FAM149B1: variants seen among roughly 807,000 people sequenced by gnomAD.
FAM149B1 encodes primary cilium assembly protein FAM149B1.
A neutral mutation model predicts 75.3 loss-of-function variants in FAM149B1; 56 were observed. That is an observed-to-expected ratio of 0.74 (90% CI 0.60 to 0.93). The LOEUF is 0.93. Among genes scored for constraint, FAM149B1 ranks in the 40% least tolerant of loss-of-function variants. The pLI, the probability that FAM149B1 is intolerant of heterozygous loss-of-function variation, is 0.00. For missense variants in FAM149B1, 639 were observed against 708.4 expected (o/e 0.90, Z 1.11); for synonymous variants, 259 against 256.1 (o/e 1.01, Z -0.11).
chr10:73,209,917 T>G (rs2043150915), intron 6 of FAM149B1, among the ~76,000 whole-genome samples: 1 of 152,172 alleles, frequency 6.6e-6, no homozygotes, highest in Admixed American at 6.5e-5. Flanking sequence ...CCCATTGTAT[T>G]TCCTGCTGAG....
chr10:73,218,960 C>G (rs929720342), intron 7 of FAM149B1, among the ~76,000 whole-genome samples: 8 of 152,140 alleles, frequency 5.3e-5, no homozygotes, highest in African/African-American at 1.9e-4. Flanking sequence ...TTCTACGAGA[C>G]TACAGGAGAC....
chr10:73,228,983 A>G (rs1169046074), intron 8 of FAM149B1, among the ~76,000 whole-genome samples: 1 of 152,010 alleles, frequency 6.6e-6, no homozygotes, highest in Non-Finnish European at 1.5e-5. Context: ...TTCCCACCTC[A>G]GCCTCCTGAG....
intron 1 of FAM149B1, among the ~76,000 whole-genome samples, chr10:73,171,041 C>T (rs112059900): frequency 9.9e-5 from 15 of 151,578 alleles, no homozygotes; most frequent in African/African-American, 3.6e-4. Flanking sequence ...CATCTTGGCT[C>T]AGTTGCAACC....
rs1198455596 is a variant in FAM149B1, at chr10:73,242,484, G to A, written c.*1465G>A. On this transcript the variant is annotated 3_prime_UTR_variant, in exon 14 of 14. Coordinates refer to ENST00000242505, the MANE Select transcript of FAM149B1 (RefSeq NM_173348.2). Reference sequence around the variant, plus strand: ...CTCACCCTGTGTGTTTTCCCTCAAAGCCAGTGCAATTTTTTTTTAACCAAA... The same window carrying A: ...CTCACCCTGTGTGTTTTCCCTCAAAACCAGTGCAATTTTTTTTTAACCAAA... 8.5e-5 allele frequency: 13 copies of A among 152,138 alleles called. No homozygotes were observed. In the East Asian group the frequency reaches 2.5e-3, roughly 29 times the overall value. 9.4% of individuals were successfully genotyped at this position (152,138 alleles called of 1,614,324 possible).
intron 5 of FAM149B1, among the ~76,000 whole-genome samples, chr10:73,208,252 A>T (rs1725952330): frequency 6.6e-6 from 1 of 152,268 alleles, no homozygotes; most frequent in Non-Finnish European, 1.5e-5. Context: ...GCAGAAGCAG[A>T]TGCCAGCACT....
intron 7 of FAM149B1, among the ~76,000 whole-genome samples, chr10:73,226,787 T>C (rs2133393568): frequency 6.6e-6 from 1 of 151,450 alleles, no homozygotes; most frequent in South Asian, 2.1e-4. Context: ...AGAGAACACT[T>C]GCAGTTTTGG....
chr10:73,212,861 G>C lies in FAM149B1; in HGVS notation c.898+2423G>C, dbSNP rs560812423. ...TCTCTCTCACTCTCTCTCTCTCTCTGTGTTTCTCTCTCTCTCTGTCACCCA... is the reference window on the plus strand; with the variant it reads ...TCTCTCTCACTCTCTCTCTCTCTCTCTGTTTCTCTCTCTCTCTGTCACCCA... On this transcript the variant is annotated intron_variant, in intron 7 of 13. Transcript: ENST00000242505. Among the ~76,000 whole-genome samples the C allele has an allele frequency of 2.8e-3, 377 of 136,066 alleles. 19 individuals are homozygous for C. The South Asian group carries it at 0.088, about 32-fold the overall frequency. The allele number at this position is 136,066 out of a possible 152,430, so 89.3% of individuals were successfully genotyped here.
chr10:73,186,913 GTTTCTTT>G (rs2042536591), intron 3 of FAM149B1, among the ~76,000 whole-genome samples: 1 of 152,084 alleles, frequency 6.6e-6, no homozygotes, highest in Admixed American at 6.6e-5. Context: ...AATGGAAACA[GTTTCTTT>G]TAAGGGTGAT....
At chr10:73,215,534 T>C (rs765670483) in intron 7 of FAM149B1, among the ~76,000 whole-genome samples, 10 of 152,230 alleles carry the variant, frequency 6.6e-5, no homozygotes, top group Non-Finnish European at 1.5e-4. Context: ...CTTTCTACTT[T>C]TTTGATATAA....
intron 3 of FAM149B1, among the ~76,000 whole-genome samples, chr10:73,185,190 C>G (rs1009447131): frequency 6.6e-6 from 1 of 152,110 alleles, no homozygotes. Context: ...TTAAACAGCT[C>G]CATACCAATC....
At chr10:73,185,897 A>G (rs1465955883) in intron 3 of FAM149B1, among the ~76,000 whole-genome samples, 2 of 152,162 alleles carry the variant, frequency 1.3e-5, no homozygotes, top group Non-Finnish European at 2.9e-5. Flanking sequence ...AATAATACCA[A>G]TCCCTCACAA....
intron 13 of FAM149B1, among the ~76,000 whole-genome samples, chr10:73,240,460 C>T (rs2043916997): frequency 6.6e-6 from 1 of 152,138 alleles, no homozygotes; most frequent in Non-Finnish European, 1.5e-5. Flanking sequence ...TGCCTGTAAT[C>T]CCAGCACTTT....
chr10:73,240,885 A>C (rs2043934542), intron 13 of FAM149B1, 61 bp from the exon 14 acceptor site: 2 of 1,006,226 alleles, frequency 2.0e-6, no homozygotes, highest in Non-Finnish European at 3.1e-6. Context: ...CTTAGCTATA[A>C]ACTTGAGAGT....
At chr10:73,200,368 G>A in intron 5 of FAM149B1, 2 of 526,638 alleles carry the variant, frequency 3.8e-6, no homozygotes, top group Admixed American at 4.8e-5. Flanking sequence ...ATACCCAAAA[G>A]GTGATTCTGG....
chr10:73,200,503 A>C, intron 5 of FAM149B1: 1 of 635,962 alleles, frequency 1.6e-6, no homozygotes, highest in South Asian at 1.5e-5. Flanking sequence ...AATGTGTGAT[A>C]TGTTAAACAG....
chr10:73,188,077 C>T (rs2042575210), intron 3 of FAM149B1, among the ~76,000 whole-genome samples: 1 of 151,848 alleles, frequency 6.6e-6, no homozygotes, highest in Admixed American at 6.6e-5. Context: ...AGCATGACTC[C>T]GACTCAAAAC....
At chr10:73,181,041 T>C (rs1202793512) in intron 3 of FAM149B1, among the ~76,000 whole-genome samples, 2 of 151,128 alleles carry the variant, frequency 1.3e-5, no homozygotes, top group Non-Finnish European at 3.0e-5. Context: ...GAGTGTCGCA[T>C]TGTCACCCAG....
intron 12 of FAM149B1, among the ~76,000 whole-genome samples, chr10:73,238,157 T>C (rs111678395): frequency 0.1 from 15,900 of 151,974 alleles, 1,202 homozygotes; most frequent in East Asian, 0.31. Context: ...ACCAGCCTGG[T>C]TAACATGGTG....
In FAM149B1 at chr10:73,168,226, G is replaced by C; in HGVS notation, c.-114G>C. The C allele has an allele frequency of 8.6e-7, 1 of 1,163,732 alleles. No homozygotes were observed. Among genetic ancestry groups the C allele is most frequent in the African/African-American group, 1.6e-5 (1 of 62,296 alleles). The allele number at this position is 1,163,732 out of a possible 1,614,324, so 72.1% of individuals were successfully genotyped here. ...TGACGGGGCGAGACGGGGCCGGTAG[G>C]TGGCGGGAGGGGCCGGGCCGGAGCC... On this transcript the variant is annotated 5_prime_UTR_variant, in exon 1 of 14. Coordinates refer to ENST00000242505, the MANE Select transcript of FAM149B1 (RefSeq NM_173348.2).
Sources: gnomAD v4.1 joint callset for allele counts (sites outside exome capture counted in the v4.1 genomes callset) on GRCh38, gnomAD v4.1.1 for gene constraint, MANE v1.5 for transcripts, NCBI Gene and HGNC (gene_info 2026-07-23, HGNC 2026-07-21) for gene names.